Variants in WDFY3 observed in about 807,000 individuals in gnomAD.
WDFY3 encodes the protein WD repeat and FYVE domain-containing protein 3.
In WDFY3, 66 loss-of-function variants were observed where a neutral mutation model predicts 409.6. The observed-to-expected ratio is 0.16, with a 90% CI of 0.13 to 0.20. The LOEUF (loss-of-function observed/expected upper bound fraction) is 0.20, where lower values mean the gene tolerates loss of function less well. Among genes scored for constraint, WDFY3 ranks in the 10% least tolerant of loss-of-function variants. The pLI is 1.00. For synonymous variants in WDFY3, 1,521 were observed against 1,537.1 expected (o/e 0.99, Z 0.25); for missense variants, 3,031 against 4,298.1 (o/e 0.71, Z 8.24).
Position 84,751,557 on chromosome 4 carries a change from G to A in WDFY3, c.5899C>T (p.Arg1967Trp), listed in dbSNP as rs766875579. ...PAKKFVFDFM[R>W]VLIIDNLCLT... is the part of the protein sequence containing the mutation. ...CAGAGGTTGTCTATGATTAAGACCC[G>A]CATGAAGTCAAAAACGAACTTTTTA... The change falls in exon 36 of 68, where the codon CGG (arginine) becomes TGG (tryptophan). Residue 1967 changes from arginine (R) to tryptophan (W), a missense_variant. Transcript: ENST00000295888. 5.0e-6 allele frequency: 8 copies of A among 1,613,988 alleles called. No individual in the cohort carries two copies. The highest frequency in any genetic ancestry group is 1.1e-5 in the South Asian group (1 of 91,090).
At position 84,919,480 on chromosome 4, in the gene WDFY3, T is replaced by G. The variant is rs540288345; in HGVS notation, c.-132+12790A>C. ...GACCCTTTATTAGTTGCAAGGAACA[T>G]GTAGTAATATGGTTTGGCTGTGTCC... On this transcript the variant is annotated intron_variant, in intron 2 of 67. Coordinates refer to ENST00000295888, the MANE Select transcript of WDFY3 (RefSeq NM_014991.6). Among the ~76,000 whole-genome samples, 9 of 152,178 alleles carry G rather than the reference T, an allele frequency of 5.9e-5. No individual in the cohort carries two copies. In the South Asian group the frequency reaches 1.9e-3, roughly 32 times the overall value.
At chr4:84,927,316 T>TACAC (rs142438597) in intron 2 of WDFY3, among the ~76,000 whole-genome samples, 245 of 151,148 alleles carry the variant, frequency 1.6e-3, no homozygotes, top group Admixed American at 3.8e-3. Flanking sequence ...TTCCATATGT[T>TACAC]ACACACACAC....
chr4:84,904,947 G>A (rs1766835629), intron 2 of WDFY3, among the ~76,000 whole-genome samples: 2 of 141,978 alleles, frequency 1.4e-5, no homozygotes, highest in African/African-American at 5.3e-5. Context: ...GCACATTGGT[G>A]GTAGTGGTCC....
chr4:84,712,357 C>T (rs903464041), intron 51 of WDFY3, among the ~76,000 whole-genome samples: 3 of 118,572 alleles, frequency 2.5e-5, no homozygotes, highest in African/African-American at 9.8e-5. Context: ...AGGAAACTGT[C>T]TCAAAAGAAA....
At chr4:84,750,687 A>G (rs1740374528) in intron 36 of WDFY3, among the ~76,000 whole-genome samples, 1 of 152,256 alleles carries the variant, frequency 6.6e-6, no homozygotes, top group Non-Finnish European at 1.5e-5. Flanking sequence ...TCTCTGTGAT[A>G]TCTTCAGACT....
At chr4:84,740,004 G>GA (rs911963036) in intron 39 of WDFY3, among the ~76,000 whole-genome samples, 183 bp downstream of exon 39, 5 of 149,304 alleles carry the variant, frequency 3.3e-5, no homozygotes, top group Admixed American at 1.3e-4. Flanking sequence ...TAAGTTAAAG[G>GA]AAAAAAAAAT....
intron 3 of WDFY3, among the ~76,000 whole-genome samples, chr4:84,862,783 C>T (rs1365823593): frequency 6.6e-6 from 1 of 151,984 alleles, no homozygotes; most frequent in Non-Finnish European, 1.5e-5. Flanking sequence ...GTCAGGGGAT[C>T]GAGACTATCC....
At chr4:84,814,988 C>G (rs766194412) in intron 13 of WDFY3, among the ~76,000 whole-genome samples, 1 of 152,086 alleles carries the variant, frequency 6.6e-6, no homozygotes, top group African/African-American at 2.4e-5. Flanking sequence ...TTGTTTCCCA[C>G]GCACATATGA....
chr4:84,725,655 C>T (rs1196928218), intron 45 of WDFY3, among the ~76,000 whole-genome samples: 1 of 152,170 alleles, frequency 6.6e-6, no homozygotes, highest in Non-Finnish European at 1.5e-5. Flanking sequence ...TATGACTTTA[C>T]TTTCCTATAA....
chr4:84,767,872 A>G (rs1313330700), intron 30 of WDFY3, among the ~76,000 whole-genome samples: 1 of 152,032 alleles, frequency 6.6e-6, no homozygotes, highest in Admixed American at 6.6e-5. Flanking sequence ...TCTCTTGAGT[A>G]CAGGAGTTTG....
At chr4:84,751,079 G>C (rs1560662428) in intron 36 of WDFY3, among the ~76,000 whole-genome samples, 1 of 152,236 alleles carries the variant, frequency 6.6e-6, no homozygotes, top group Non-Finnish European at 1.5e-5. Flanking sequence ...AGCCTGTGCT[G>C]TTTCTGTAGA....
intron 2 of WDFY3, among the ~76,000 whole-genome samples, chr4:84,907,380 C>A (rs1561050608): frequency 6.6e-6 from 1 of 152,204 alleles, no homozygotes. Context: ...AGGAAGCCAA[C>A]TTCCACATTG....
At chr4:84,853,494 G>A (rs1484186904) in intron 4 of WDFY3, among the ~76,000 whole-genome samples, 2 of 151,986 alleles carry the variant, frequency 1.3e-5, no homozygotes, top group Non-Finnish European at 2.9e-5. Flanking sequence ...TTTTTTAATG[G>A]AGGTGTTTAT....
intron 2 of WDFY3, among the ~76,000 whole-genome samples, chr4:84,904,361 G>A (rs1001128071): frequency 1.3e-5 from 2 of 151,796 alleles, no homozygotes; most frequent in Non-Finnish European, 2.9e-5. Flanking sequence ...CTGCCTAGGC[G>A]AAACAGAGCA....
chr4:84,893,234 T>G (rs1765173760), intron 3 of WDFY3, among the ~76,000 whole-genome samples: 1 of 152,232 alleles, frequency 6.6e-6, no homozygotes, highest in Non-Finnish European at 1.5e-5. Flanking sequence ...AAAAAAAAGG[T>G]ACATCTGTGT....
chr4:84,693,169 C>G (rs553315844), intron 58 of WDFY3, 137 bp from the exon 59 acceptor site: 1 of 926,208 alleles, frequency 1.1e-6, no homozygotes, highest in African/African-American at 1.7e-5. Flanking sequence ...ATTTTACACC[C>G]GAGGAAAGAG....
intron 56 of WDFY3, among the ~76,000 whole-genome samples, chr4:84,698,776 A>T (rs1275954814): frequency 6.6e-6 from 1 of 152,080 alleles, no homozygotes; most frequent in Non-Finnish European, 1.5e-5. Flanking sequence ...TCACTGCAAC[A>T]TCTGCCTCCC....
chr4:84,894,545 G>A (rs1047117162), intron 3 of WDFY3, among the ~76,000 whole-genome samples: 1 of 152,086 alleles, frequency 6.6e-6, no homozygotes, highest in African/African-American at 2.4e-5. Context: ...CTAGCACTCT[G>A]GGAGGGCGAG....
intron 2 of WDFY3, among the ~76,000 whole-genome samples, chr4:84,926,261 A>C (rs1357214002): frequency 6.6e-6 from 1 of 150,678 alleles, no homozygotes; most frequent in Non-Finnish European, 1.5e-5. Flanking sequence ...ATCAGGCTCT[A>C]TTTAATAAAT....
Sources: gnomAD v4.1 joint callset for allele counts (sites outside exome capture counted in the v4.1 genomes callset) on GRCh38, gnomAD v4.1.1 for gene constraint, MANE v1.5 for transcripts, NCBI Gene and HGNC (gene_info 2026-07-23, HGNC 2026-07-21) for gene names.